Variants in MAN1A1 observed in about 807,000 individuals in gnomAD.
The protein encoded by MAN1A1 is mannosyl-oligosaccharide 1,2-alpha-mannosidase IA.
MAN1A1 carries 29 observed loss-of-function variants against 70.8 expected under a neutral mutation model. The observed-to-expected ratio is 0.41, with a 90% CI of 0.31 to 0.56. The LOEUF (loss-of-function observed/expected upper bound fraction) is 0.56. MAN1A1 is among the 20% of genes least tolerant of loss of function. MAN1A1 has a pLI of 0.29. For missense variants in MAN1A1, 747 were observed against 841.3 expected (o/e 0.89, Z 1.39); for synonymous variants, 349 against 330.1 (o/e 1.06, Z -0.62).
intron 2 of MAN1A1, among the ~76,000 whole-genome samples, chr6:119,309,251 T>A (rs542603139): frequency 6.6e-6 from 1 of 152,356 alleles, no homozygotes; most frequent in South Asian, 2.1e-4. Flanking sequence ...AGACATTGTG[T>A]GAGTGTGTGT....
chr6:119,317,053 CTTTT>C (rs754781986), intron 2 of MAN1A1, among the ~76,000 whole-genome samples: 4 of 149,352 alleles, frequency 2.7e-5, no homozygotes, highest in Non-Finnish European at 5.9e-5. Flanking sequence ...TTTATCCTTT[CTTTT>C]GTGTGTGTAT....
chr6:119,194,986 C>A (rs1424493960), intron 8 of MAN1A1, among the ~76,000 whole-genome samples: 1 of 151,952 alleles, frequency 6.6e-6, no homozygotes, highest in African/African-American at 2.4e-5. Flanking sequence ...GAGCCCACCA[C>A]CACACCTGGC....
intron 6 of MAN1A1, among the ~76,000 whole-genome samples, chr6:119,242,976 A>G (rs1775052317): frequency 6.6e-6 from 1 of 152,086 alleles, no homozygotes; most frequent in East Asian, 1.9e-4. Context: ...AAAAAATCCA[A>G]CTGGGGGAAG....
chr6:119,257,602 A>G (rs147917246), intron 5 of MAN1A1, among the ~76,000 whole-genome samples: 1,607 of 152,316 alleles, frequency 0.011, 12 homozygotes, highest in South Asian at 0.023. Context: ...CCTCAAGAAG[A>G]AAGTATATGC....
intron 9 of MAN1A1, 107 bp from the exon 10 acceptor site, chr6:119,189,990 A>C (rs566121569): frequency 1.2e-6 from 1 of 868,786 alleles, no homozygotes; most frequent in Non-Finnish European, 1.7e-6. Flanking sequence ...TGACAATCAG[A>C]GTTTGGTGTT....
At chr6:119,347,980 A>G (rs1773779629) in intron 2 of MAN1A1, among the ~76,000 whole-genome samples, 1 of 152,248 alleles carries the variant, frequency 6.6e-6, no homozygotes, top group Admixed American at 6.5e-5. Context: ...TCACCTTTAT[A>G]GTCTGAAAGT....
rs34748730 is a variant in MAN1A1, at chr6:119,236,707, C to CA, written c.992+11552dup. On this transcript the variant is annotated intron_variant, in intron 6 of 12. Coordinates refer to ENST00000368468, the MANE Select transcript of MAN1A1 (RefSeq NM_005907.4). The stretch of plus-strand genomic sequence containing the variant: ...TGGGCGAGAAAGTGAGACTTTGTCT[C>CA]AAAAAAAAAAAAAAAAAAAAGGAAT... Among the ~76,000 whole-genome samples the CA allele has an allele frequency of 2.2e-3, 215 of 96,496 alleles. 2 individuals are homozygous for CA. In the Middle Eastern group the frequency reaches 0.024, roughly 11 times the overall value. The allele number at this position is 96,496 out of a possible 152,430, so 63.3% of individuals were successfully genotyped here.
chr6:119,339,985 G>T (rs1773558451), intron 2 of MAN1A1, among the ~76,000 whole-genome samples: 1 of 152,166 alleles, frequency 6.6e-6, no homozygotes, highest in Admixed American at 6.5e-5. Flanking sequence ...CAGCTACTCA[G>T]GAGGCTGAGG....
chr6:119,247,247 C>T (rs551394763), intron 6 of MAN1A1, among the ~76,000 whole-genome samples: 3 of 152,316 alleles, frequency 2.0e-5, no homozygotes, highest in Non-Finnish European at 2.9e-5. Context: ...TTCATTTGTA[C>T]ATATGCATCG....
At chr6:119,270,227 T>G (rs888156977) in intron 5 of MAN1A1, among the ~76,000 whole-genome samples, 10 of 152,112 alleles carry the variant, frequency 6.6e-5, no homozygotes, top group Non-Finnish European at 1.3e-4. Context: ...CTCTGTGTGT[T>G]AGAGATGCTC....
intron 5 of MAN1A1, among the ~76,000 whole-genome samples, chr6:119,249,430 G>GA (rs1354894586): frequency 6.6e-6 from 1 of 152,166 alleles, no homozygotes; most frequent in Non-Finnish European, 1.5e-5. Flanking sequence ...ATTTACTGAA[G>GA]AAAGGCCTGC....
At chr6:119,223,993 G>C (rs1281408278) in intron 6 of MAN1A1, among the ~76,000 whole-genome samples, 1 of 152,130 alleles carries the variant, frequency 6.6e-6, no homozygotes, top group Non-Finnish European at 1.5e-5. Flanking sequence ...AAAAAAATCT[G>C]ATTTTAAAAA....
At chr6:119,275,899 AT>A (rs1343571874) in intron 5 of MAN1A1, among the ~76,000 whole-genome samples, 1 of 152,216 alleles carries the variant, frequency 6.6e-6, no homozygotes, top group African/African-American at 2.4e-5. Context: ...GTGTAATCCC[AT>A]TTCTGTCATG....
chr6:119,319,533 T>A (rs1436751685), intron 2 of MAN1A1, among the ~76,000 whole-genome samples: 1 of 152,104 alleles, frequency 6.6e-6, no homozygotes, highest in Non-Finnish European at 1.5e-5. Context: ...TTTCTTCAGC[T>A]ATTTTATGGC....
At chr6:119,290,919 G>A (rs1380657311) in intron 4 of MAN1A1, among the ~76,000 whole-genome samples, 156 bp from the exon 5 acceptor site, 7 of 151,828 alleles carry the variant, frequency 4.6e-5, no homozygotes. Context: ...TAAAATTAAG[G>A]TATTAAATAT....
chr6:119,304,971 TTGTA>T (rs939758128), intron 3 of MAN1A1, among the ~76,000 whole-genome samples: 38 of 152,028 alleles, frequency 2.5e-4, no homozygotes, highest in African/African-American at 8.9e-4. Flanking sequence ...AATGAAAACT[TTGTA>T]TGTCTTTGTA....
intron 6 of MAN1A1, among the ~76,000 whole-genome samples, chr6:119,247,958 T>C (rs1397273934): frequency 6.6e-6 from 1 of 152,226 alleles, no homozygotes; most frequent in East Asian, 1.9e-4. Context: ...AACGGGACTC[T>C]TTTGGTATTT....
At chr6:119,211,740 A>C (rs2114957740) in intron 6 of MAN1A1, among the ~76,000 whole-genome samples, 1 of 152,264 alleles carries the variant, frequency 6.6e-6, no homozygotes, top group Non-Finnish European at 1.5e-5. Flanking sequence ...TGAAGGCTTA[A>C]ATTTTATTCA....
Position 119,305,423 on chromosome 6 carries a change from T to A in MAN1A1, c.700+1473A>T, listed in dbSNP as rs144730908. 6.2e-3 allele frequency among the ~76,000 whole-genome samples: 949 copies of A among 152,310 alleles called. 6 individuals carry two copies. The highest frequency in any genetic ancestry group is 0.022 in the African/African-American group (899 of 41,570). On this transcript the variant is annotated intron_variant, in intron 3 of 12. Coordinates refer to ENST00000368468, the MANE Select transcript of MAN1A1 (RefSeq NM_005907.4). ...ATGAAAAAATAAAGGCCTCTGGCTC[T>A]GCATGAGGTTTCAGAGTTTCTCTCT...
Sources: allele counts gnomAD v4.1 joint callset (sites outside exome capture counted in the v4.1 genomes callset), GRCh38; gene constraint gnomAD v4.1.1; transcripts MANE v1.5; gene names NCBI Gene and HGNC (gene_info 2026-07-23, HGNC 2026-07-21).